Variants in ITGA4 observed in about 807,000 individuals in gnomAD.
The protein encoded by ITGA4 is integrin subunit alpha 4.
ITGA4 carries 63 observed loss-of-function variants against 133.6 expected under a neutral mutation model. The ratio of observed to expected loss-of-function variants is 0.47; its 90% confidence interval spans 0.38 to 0.58. The LOEUF (loss-of-function observed/expected upper bound fraction) is 0.58, where lower values mean the gene tolerates loss of function less well. Ranked by LOEUF, ITGA4 falls within the 20% of genes least tolerant of loss-of-function variation. The probability of loss-of-function intolerance (pLI) is 0.00; values close to 1 mark genes in which losing one functional copy is unlikely to be tolerated. For synonymous variants in ITGA4, 483 were observed against 438.0 expected (o/e 1.10, Z -1.28); for missense variants, 1,076 against 1,252.7 (o/e 0.86, Z 2.13).
intron 10 of ITGA4, among the ~76,000 whole-genome samples, chr2:181,488,473 G>A (rs188701256): frequency 9.2e-5 from 14 of 152,118 alleles, no homozygotes; most frequent in Admixed American, 2.0e-4. Context: ...ATAATTCACC[G>A]CATATTTACA....
chr2:181,457,978 C>A, intron 1 of ITGA4, 127 bp downstream of exon 1: 1 of 1,145,588 alleles, frequency 8.7e-7, no homozygotes, highest in Non-Finnish European at 1.2e-6. Context: ...GCTGCGAGAG[C>A]CAGCTCGCTG....
intron 17 of ITGA4, among the ~76,000 whole-genome samples, chr2:181,518,959 T>G (rs1002277205): frequency 2.6e-5 from 4 of 151,992 alleles, no homozygotes; most frequent in African/African-American, 9.7e-5. Context: ...TAAGAATCTC[T>G]CCTAGATAGA....
At chr2:181,497,787 TG>T (rs1686183992) in intron 14 of ITGA4, among the ~76,000 whole-genome samples, 1 of 152,284 alleles carries the variant, frequency 6.6e-6, no homozygotes, top group African/African-American at 2.4e-5. Flanking sequence ...TTAGCTTGCA[TG>T]GCAAAGAACT....
chr2:181,478,774 G>T lies in ITGA4; in HGVS notation c.574G>T (p.Gly192Ter). 1 of 1,463,720 alleles carries T rather than the reference G, an allele frequency of 6.8e-7. No homozygotes were observed. The highest frequency in any genetic ancestry group is 1.4e-5 in the South Asian group (1 of 70,424). 90.7% of individuals were successfully genotyped at this position (1,463,720 alleles called of 1,614,324 possible). ...CATTTTAGATTATGTGAAAAAATTT[G>T]GAGAAAATTTTGCATCATGTCAAGC... Reference protein sequence around the residue: ...PCYQDYVKKFGENFASCQAGI... With the variant: ...PCYQDYVKKF Residue 192 changes from glycine (G) to a stop codon, truncating the protein, a stop_gained, in exon 5 of 28, where the codon GGA becomes TGA. Coordinates refer to ENST00000397033, the MANE Select transcript of ITGA4 (RefSeq NM_000885.6). LOFTEE classifies it high-confidence loss of function.
intron 17 of ITGA4, among the ~76,000 whole-genome samples, chr2:181,519,011 C>G (rs190548128): frequency 2.0e-5 from 3 of 151,800 alleles, no homozygotes; most frequent in Non-Finnish European, 4.4e-5. Context: ...TACAGAATTA[C>G]GTGTGTATGT....
Position 181,537,809 on chromosome 2 carries a change from C to CT in ITGA4, c.*2282_*2283insT, listed in dbSNP as rs1559064881. ...GATATTTCATCTTGACTTTTAAAGC[C>CT]CTAGAGGCTAATTGTTAGTAACATC... On this transcript the variant is annotated 3_prime_UTR_variant, in exon 28 of 28. Transcript: ENST00000397033. The CT allele has an allele frequency of 2.1e-5, 10 of 470,366 alleles. No individual in the cohort carries two copies. The highest frequency in any genetic ancestry group is 4.2e-5 in the Non-Finnish European group (10 of 238,150). The allele number at this position is 470,366 out of a possible 1,614,324, so 29.1% of individuals were successfully genotyped here. A position where few individuals can be genotyped will look rare whatever the true frequency, so the allele number is the denominator to read the frequency against.
At chr2:181,534,397 T>TTAAAATTATA in intron 26 of ITGA4, 27 bp downstream of exon 26, 1 of 1,255,754 alleles carries the variant, frequency 8.0e-7, no homozygotes, top group South Asian at 1.2e-5. Flanking sequence ...AACTGCTACA[T>TTAAAATTATA]TAAAATTATA....
rs1022151553 is a variant in ITGA4, at chr2:181,457,582, T to A, written c.-73T>A. ...CATCTCTTGGGGCGTTCTTCCCCGTTGGCCAACCGTCGCATCCCGTGCAAC... is the reference window on the plus strand; with the variant it reads ...CATCTCTTGGGGCGTTCTTCCCCGTAGGCCAACCGTCGCATCCCGTGCAAC... On this transcript the variant is annotated 5_prime_UTR_variant, in exon 1 of 28. Coordinates refer to ENST00000397033, the MANE Select transcript of ITGA4 (RefSeq NM_000885.6). The A allele has an allele frequency of 1.3e-5, 18 of 1,389,792 alleles. No individual in the cohort carries two copies. Among genetic ancestry groups the A allele is most frequent in the Middle Eastern group, 2.5e-4 (1 of 3,950 alleles). The allele number at this position is 1,389,792 out of a possible 1,614,324, so 86.1% of individuals were successfully genotyped here.
intron 2 of ITGA4, among the ~76,000 whole-genome samples, chr2:181,472,313 C>T (rs1338500623): frequency 6.6e-6 from 1 of 152,182 alleles, no homozygotes; most frequent in Non-Finnish European, 1.5e-5. Context: ...AAGCTATTTA[C>T]ATGGTACATT....
intron 2 of ITGA4, among the ~76,000 whole-genome samples, chr2:181,470,127 G>A (rs1685513793): frequency 6.6e-6 from 1 of 152,058 alleles, no homozygotes; most frequent in South Asian, 2.1e-4. Flanking sequence ...CTTGCCCACT[G>A]TTGATGGGAA....
At chr2:181,515,370 A>T (rs1170925872) in intron 17 of ITGA4, among the ~76,000 whole-genome samples, 1 of 152,094 alleles carries the variant, frequency 6.6e-6, no homozygotes, top group Non-Finnish European at 1.5e-5. Flanking sequence ...CCTGATTTCC[A>T]TGAAGACTCA....
Position 181,523,630 on chromosome 2 carries a change from TAG to T in ITGA4, c.2169+99_2169+100del. 1 of 649,044 alleles carries T rather than the reference TAG, an allele frequency of 1.5e-6. No individual in the cohort carries two copies. 40.2% of individuals were successfully genotyped at this position (649,044 alleles called of 1,614,324 possible). On this transcript the variant is annotated intron_variant, in intron 19 of 27. Coordinates refer to ENST00000397033, the MANE Select transcript of ITGA4 (RefSeq NM_000885.6). The surrounding 1 kb of genome is among the most constrained non-coding windows in gnomAD (Gnocchi z 4.2). Reference sequence around the variant, plus strand: ...TGCATAGAAAATATTATAAATATTTTAGCTTGGGGTAGGTAGCTGAGTGATGA... The same window carrying T: ...TGCATAGAAAATATTATAAATATTTTCTTGGGGTAGGTAGCTGAGTGATGA...
chr2:181,525,404 T>C (rs1212885326), intron 21 of ITGA4, 113 bp downstream of exon 21: 3 of 588,122 alleles, frequency 5.1e-6, no homozygotes, highest in Admixed American at 5.9e-5. Context: ...AAAAGGATAC[T>C]CTATCTTTTA....
At chr2:181,478,277 G>A (rs1685725690) in intron 4 of ITGA4, among the ~76,000 whole-genome samples, 1 of 152,030 alleles carries the variant, frequency 6.6e-6, no homozygotes, top group Non-Finnish European at 1.5e-5. Context: ...GAGATCTAAT[G>A]TACAGCATGA....
In ITGA4 at chr2:181,529,629, T is replaced by A. The variant is rs763569300; in HGVS notation, c.2519T>A (p.Phe840Tyr). ...NSFSPQTDKLFNILDVQTTTG... is the reference protein window; with the variant it reads ...NSFSPQTDKLYNILDVQTTTG... Reference sequence around the variant, plus strand: ...TTTAGCCCCCAAACTGATAAGCTGTTCAACATTTTGGATGTCCAGGTAAAA... The same window carrying A: ...TTTAGCCCCCAAACTGATAAGCTGTACAACATTTTGGATGTCCAGGTAAAA... Residue 840 changes from phenylalanine (F) to tyrosine (Y), a missense_variant, in exon 23 of 28, where the codon TTC becomes TAC. Physicochemically the swap from Phe to Tyr is conservative, Grantham distance 22. Around this residue, in one of 4 missense-constraint regions of ITGA4, gnomAD observed 365 missense variants for 421.4 expected, o/e 0.87. Coordinates refer to ENST00000397033, the MANE Select transcript of ITGA4 (RefSeq NM_000885.6). 6.3e-7 allele frequency: 1 copy of A among 1,585,184 alleles called. No individual in the cohort carries two copies. Among genetic ancestry groups the A allele is most frequent in the Non-Finnish European group, 8.7e-7 (1 of 1,154,684 alleles).
At chr2:181,499,480 A>C (rs1686223977) in intron 15 of ITGA4, among the ~76,000 whole-genome samples, 1 of 152,196 alleles carries the variant, frequency 6.6e-6, no homozygotes, top group African/African-American at 2.4e-5. Context: ...TTCATCAGAA[A>C]ATCTATTGTC....
chr2:181,524,959 TAA>T (rs34230117), intron 20 of ITGA4, among the ~76,000 whole-genome samples: 3,082 of 146,406 alleles, frequency 0.021, 107 homozygotes, highest in African/African-American at 0.074. Flanking sequence ...AACTATTTGT[TAA>T]AAAAAAAAAA....
intron 21 of ITGA4, among the ~76,000 whole-genome samples, 173 bp downstream of exon 21, chr2:181,525,464 T>C (rs997318092): frequency 1.2e-4 from 19 of 152,156 alleles, no homozygotes; most frequent in African/African-American, 4.3e-4. Context: ...ATTATAATAA[T>C]CCACTCTATA....
Position 181,524,091 on chromosome 2 carries a change from A to G in ITGA4, c.2170-80A>G. On this transcript the variant is annotated intron_variant, in intron 19 of 27. Coordinates refer to ENST00000397033, the MANE Select transcript of ITGA4 (RefSeq NM_000885.6). Reference sequence around the variant, plus strand: ...CAATTCTACATTCCATAGAACATAAACTTTTAAGAAAAAAATTCAGATTAT... The same window carrying G: ...CAATTCTACATTCCATAGAACATAAGCTTTTAAGAAAAAAATTCAGATTAT... The G allele has an allele frequency of 7.9e-6, 7 of 889,182 alleles. No homozygotes were observed. The South Asian group carries it at 1.1e-4, about 14-fold the overall frequency. 55.1% of individuals were successfully genotyped at this position (889,182 alleles called of 1,614,324 possible).
Sources: allele counts gnomAD v4.1 joint callset (sites outside exome capture counted in the v4.1 genomes callset), GRCh38; gene constraint gnomAD v4.1.1; regional missense constraint gnomAD v4.1.1; non-coding constraint Gnocchi (gnomAD v3.1); transcripts MANE v1.5; gene names NCBI Gene and HGNC (gene_info 2026-07-23, HGNC 2026-07-21).